GPCPD1: variants seen among roughly 807,000 people sequenced by gnomAD.
GPCPD1 encodes glycerophosphocholine phosphodiesterase 1, also known as glycerophosphocholine phosphodiesterase GPCPD1.
GPCPD1 carries 29 observed loss-of-function variants against 89.2 expected under a neutral mutation model. The ratio of observed to expected loss-of-function variants is 0.33; its 90% CI spans 0.24 to 0.44. GPCPD1 has a LOEUF of 0.44. Ranked by LOEUF, GPCPD1 falls within the 20% of genes least tolerant of loss-of-function variation. GPCPD1 has a pLI of 1.00. For missense variants in GPCPD1, 594 were observed against 808.9 expected, an observed-to-expected ratio of 0.73 and a Z score of 3.22; for synonymous variants, 258 against 266.3, an observed-to-expected ratio of 0.97 and a Z score of 0.30.
Position 5,566,759 on chromosome 20 carries a change from G to C in GPCPD1, c.1241C>G (p.Thr414Ser), listed in dbSNP as rs979025696. The stretch of plus-strand genomic sequence containing the variant: ...TTTCCGATCCTTAGATTTCAGTGCA[G>C]TCACATGAGTGAGCTAGAAAGCACA... The part of the protein sequence containing the change: ...QLQLLKLTHV[T>S]ALKSKDRKES... Residue 414 changes from threonine to serine, a missense_variant, in exon 14 of 20, where the codon ACT (threonine) becomes AGT (serine). By Grantham distance (58) the Thr-to-Ser change is moderately conservative. Coordinates refer to ENST00000379019, the MANE Select transcript of GPCPD1 (RefSeq NM_019593.5). 3 of 1,586,744 alleles carry C rather than the reference G, an allele frequency of 1.9e-6. No homozygotes were observed. The highest frequency in any genetic ancestry group is 2.6e-6 in the Non-Finnish European group (3 of 1,155,216).
intron 1 of GPCPD1, among the ~76,000 whole-genome samples, chr20:5,610,433 G>C (rs1600821711): frequency 6.6e-6 from 1 of 152,164 alleles, no homozygotes; most frequent in Middle Eastern, 3.4e-3. Context: ...GCGGTGAGCC[G>C]GGGGCCGCTG....
At chr20:5,600,800 C>A (rs1337382788) in intron 2 of GPCPD1, among the ~76,000 whole-genome samples, 1 of 151,772 alleles carries the variant, frequency 6.6e-6, no homozygotes, top group African/African-American at 2.4e-5. Flanking sequence ...CCAGTGCACT[C>A]CAGCCTGGGC....
intron 19 of GPCPD1, among the ~76,000 whole-genome samples, chr20:5,556,296 C>G (rs1396426544): frequency 6.6e-6 from 1 of 152,106 alleles, no homozygotes; most frequent in East Asian, 1.9e-4. Flanking sequence ...CAACCTCTGC[C>G]TCCTGGGTTC....
intron 12 of GPCPD1, among the ~76,000 whole-genome samples, chr20:5,569,354 C>T (rs1314022462): frequency 6.6e-6 from 1 of 152,150 alleles, no homozygotes; most frequent in African/African-American, 2.4e-5. Context: ...ATACCCAACA[C>T]AGTTTTAGAG....
rs533642751 is a variant in GPCPD1, at chr20:5,591,271, G to A, written c.231+2056C>T. ...TGAAAAACTGAGAAAAACGATTTCA[G>A]GACTCTTCTAAACTAAAAGGAATAT... On this transcript the variant is annotated intron_variant, in intron 4 of 19. Transcript: ENST00000379019. 8.5e-5 allele frequency among the ~76,000 whole-genome samples: 13 copies of A among 152,238 alleles called. No individual in the cohort carries two copies. In the East Asian group the frequency reaches 2.1e-3, roughly 25 times the overall value.
chr20:5,591,429 A>G (rs1979320013), intron 4 of GPCPD1, among the ~76,000 whole-genome samples: 1 of 152,232 alleles, frequency 6.6e-6, no homozygotes, highest in Admixed American at 6.5e-5. Context: ...TAAAGCCTAA[A>G]GGTCAACTGG....
At chr20:5,606,149 T>C (rs1450696914) in intron 1 of GPCPD1, among the ~76,000 whole-genome samples, 2 of 152,168 alleles carry the variant, frequency 1.3e-5, no homozygotes, top group Non-Finnish European at 2.9e-5. Context: ...CTTAAGTACC[T>C]AAAGGAATAT....
At chr20:5,560,561 AC>A (rs1986027624) in intron 16 of GPCPD1, among the ~76,000 whole-genome samples, 1 of 152,230 alleles carries the variant, frequency 6.6e-6, no homozygotes, top group Non-Finnish European at 1.5e-5. Flanking sequence ...TAGCCAAGAC[AC>A]CAAGCCAGCT....
At chr20:5,590,403 C>T (rs944507310) in intron 4 of GPCPD1, among the ~76,000 whole-genome samples, 3 of 151,742 alleles carry the variant, frequency 2.0e-5, no homozygotes, top group Non-Finnish European at 4.4e-5. Flanking sequence ...ATTAGCCAGG[C>T]ATAGTGGTTG....
At chr20:5,582,186 CAAAAAAAAAAA>C (rs1164754193) in intron 6 of GPCPD1, among the ~76,000 whole-genome samples, 940 of 36,208 alleles carry the variant, frequency 0.026, 7 homozygotes, top group African/African-American at 0.052. Context: ...ACTCCCGTCT[CAAAAAAAAAAA>C]AAAAAAAAAA....
At chr20:5,607,791 CTG>C (rs1306950240) in intron 1 of GPCPD1, among the ~76,000 whole-genome samples, 1 of 149,884 alleles carries the variant, frequency 6.7e-6, no homozygotes, top group Non-Finnish European at 1.5e-5. Context: ...ACACTCCTGC[CTG>C]TGTGACAGAA....
chr20:5,577,073 T>G (rs1288647566), intron 8 of GPCPD1, among the ~76,000 whole-genome samples: 2 of 148,362 alleles, frequency 1.3e-5, no homozygotes, highest in African/African-American at 2.5e-5. Flanking sequence ...TTGTTTTTTT[T>G]TTTTTTTCTG....
At chr20:5,576,802 T>C (rs971281950) in intron 8 of GPCPD1, among the ~76,000 whole-genome samples, 9 of 152,180 alleles carry the variant, frequency 5.9e-5, no homozygotes, top group African/African-American at 2.2e-4. Flanking sequence ...TTTATCAGCC[T>C]AGTCTATGAA....
intron 2 of GPCPD1, among the ~76,000 whole-genome samples, chr20:5,599,282 G>T (rs1300900519): frequency 1.3e-5 from 2 of 152,066 alleles, no homozygotes; most frequent in Non-Finnish European, 2.9e-5. Context: ...AGGCGTGGTG[G>T]CTCACACCTG....
At chr20:5,553,652 C>G (rs1174731684) in intron 19 of GPCPD1, among the ~76,000 whole-genome samples, 1 of 152,140 alleles carries the variant, frequency 6.6e-6, no homozygotes. Flanking sequence ...AGCAAAGCAG[C>G]CTTATTGCTG....
chr20:5,566,172 T>A (rs191351004), intron 14 of GPCPD1, among the ~76,000 whole-genome samples: 247 of 152,350 alleles, frequency 1.6e-3, no homozygotes, highest in African/African-American at 5.5e-3. Flanking sequence ...ACCTACTATA[T>A]GTACAGCACC....
chr20:5,567,644 G>A, intron 12 of GPCPD1, 84 bp from the exon 13 acceptor site: 1 of 1,230,060 alleles, frequency 8.1e-7, no homozygotes, highest in Non-Finnish European at 1.1e-6. Flanking sequence ...ATTACTGAAT[G>A]CTTACACTAG....
rs778090924 is a variant in GPCPD1, at chr20:5,575,461, G to A, written c.953C>T (p.Pro318Leu). The A allele has an allele frequency of 3.7e-6, 6 of 1,604,890 alleles. No homozygotes were observed. In the East Asian group the frequency reaches 1.3e-4, roughly 36 times the overall value. The change falls in exon 10 of 20, where the codon CCA becomes CTA. Residue 318 changes from proline to leucine, a missense_variant. Physicochemically the swap from Pro to Leu is moderately conservative, Grantham distance 98. Coordinates refer to ENST00000379019, the MANE Select transcript of GPCPD1 (RefSeq NM_019593.5). The part of the protein sequence containing the change: ...SFSKYWKPRI[P>L]LDVGHRGAGN... ...TGCACCTCGATGGCCAACATCCAAT[G>A]GTATTCTTGGCTTCCAATACTTGGA... is the stretch of plus-strand genomic sequence containing the variant.
Position 5,546,572 on chromosome 20 carries a change from C to T in GPCPD1, c.*1089G>A, listed in dbSNP as rs1323966691. 6.6e-6 allele frequency: 1 copy of T among 152,330 alleles called. No individual in the cohort carries two copies. Among genetic ancestry groups the T allele is most frequent in the Middle Eastern group, 3.4e-3 (1 of 294 alleles). The allele number at this position is 152,330 out of a possible 1,614,324, so 9.4% of individuals were successfully genotyped here. ...ATCCTAGTATAATCTGAAATACATG[C>T]ATATACATTTAGTAAGACCTACATT... On this transcript the variant is annotated 3_prime_UTR_variant, in exon 20 of 20. Coordinates refer to ENST00000379019, the MANE Select transcript of GPCPD1 (RefSeq NM_019593.5).
Sources: gnomAD v4.1 joint callset for allele counts (sites outside exome capture counted in the v4.1 genomes callset) on GRCh38, gnomAD v4.1.1 for gene constraint, MANE v1.5 for transcripts, NCBI Gene and HGNC (gene_info 2026-07-23, HGNC 2026-07-21) for gene names.